ATP10B: variants seen among roughly 807,000 people sequenced by gnomAD.
The protein encoded by ATP10B is phospholipid-transporting ATPase VB.
ATP10B carries 122 observed loss-of-function variants against 141.2 expected under a neutral mutation model. That is an observed-to-expected ratio of 0.86 (90% CI 0.75 to 1.00). The LOEUF (loss-of-function observed/expected upper bound fraction) is 1.00. ATP10B is among the 50% of genes least tolerant of loss of function. The probability of loss-of-function intolerance (pLI) is 0.00; values close to 1 mark genes in which losing one functional copy is unlikely to be tolerated. For missense variants in ATP10B, 1,876 were observed against 1,825.3 expected (o/e 1.03, Z -0.51); for synonymous variants, 685 against 692.0 (o/e 0.99, Z 0.16).
chr5:160,888,362 C>G, the ATP10B span, among the ~76,000 whole-genome samples: 1 of 152,210 alleles, frequency 6.6e-6, no homozygotes, highest in Non-Finnish European at 1.5e-5. Flanking sequence ...AATTTTCAGA[C>G]CTGAGGCTTC....
At chr5:160,625,554 G>A (rs1758567521) in intron 13 of ATP10B, among the ~76,000 whole-genome samples, 1 of 152,158 alleles carries the variant, frequency 6.6e-6, no homozygotes, top group South Asian at 2.1e-4. Context: ...GTCAGAAGGA[G>A]GAAACTGCTT....
chr5:160,718,730 A>T (rs1765800834), intron 2 of ATP10B, among the ~76,000 whole-genome samples: 1 of 152,126 alleles, frequency 6.6e-6, no homozygotes, highest in South Asian at 2.1e-4. Context: ...GAACTCACTC[A>T]CTACCTTGGG....
At chr5:160,890,937 T>C in the ATP10B span, among the ~76,000 whole-genome samples, 1 of 152,206 alleles carries the variant, frequency 6.6e-6, no homozygotes, top group African/African-American at 2.4e-5. Context: ...TTGGACTGTT[T>C]TCATTTACTT....
intron 1 of ATP10B, among the ~76,000 whole-genome samples, chr5:160,830,476 G>T (rs1400918905): frequency 2.0e-5 from 3 of 152,028 alleles, no homozygotes; most frequent in Non-Finnish European, 2.9e-5. Context: ...AGATCAAATA[G>T]GTTTAAGATT....
chr5:160,909,530 A>G, the ATP10B span, among the ~76,000 whole-genome samples: 5 of 152,178 alleles, frequency 3.3e-5, no homozygotes, highest in Admixed American at 3.3e-4. Context: ...AAGTTTCCTG[A>G]ATGCAGGAGC....
the ATP10B span, among the ~76,000 whole-genome samples, chr5:160,912,722 A>G: frequency 6.6e-6 from 1 of 151,974 alleles, no homozygotes; most frequent in African/African-American, 2.4e-5. Context: ...GAAGAAAGAA[A>G]AGAGAGAGAG....
At chr5:160,650,406 A>T (rs1760649264) in intron 7 of ATP10B, among the ~76,000 whole-genome samples, 1 of 152,168 alleles carries the variant, frequency 6.6e-6, no homozygotes. Context: ...CAAAGATCCC[A>T]CCAAGGTTGC....
At chr5:160,717,092 A>G (rs1287960022) in intron 2 of ATP10B, 58 bp from the exon 3 acceptor site, 5 of 967,132 alleles carry the variant, frequency 5.2e-6, no homozygotes, top group South Asian at 9.6e-5. Flanking sequence ...TATAAATGCT[A>G]TTTATATAAG....
intron 5 of ATP10B, among the ~76,000 whole-genome samples, chr5:160,686,645 T>G (rs1763770963): frequency 6.6e-6 from 1 of 152,216 alleles, no homozygotes; most frequent in African/African-American, 2.4e-5. Context: ...AGACTGGAGA[T>G]GATTATTCTC....
intron 2 of ATP10B, among the ~76,000 whole-genome samples, chr5:160,782,288 G>A (rs1449822516): frequency 1.3e-5 from 2 of 152,176 alleles, no homozygotes; most frequent in African/African-American, 4.8e-5. Context: ...ACAAGGCACA[G>A]AGAGACGTTG....
Position 160,840,396 on chromosome 5 carries a change from C to T in ATP10B, c.-576+11545G>A, listed in dbSNP as rs561337388. On this transcript the variant is annotated intron_variant, in intron 1 of 25. Coordinates refer to ENST00000327245, the MANE Select transcript of ATP10B (RefSeq NM_025153.3). ...GCTCATGAGGATACAAACAGACTAACGGAATAGAAATCTATAGAAATCTAG... is the reference window on the plus strand; with the variant it reads ...GCTCATGAGGATACAAACAGACTAATGGAATAGAAATCTATAGAAATCTAG... Among the ~76,000 whole-genome samples the T allele has an allele frequency of 6.7e-4, 101 of 151,164 alleles. 1 individual carries two copies. Among genetic ancestry groups the T allele is most frequent in the African/African-American group, 2.2e-3 (89 of 41,200 alleles).
In ATP10B at chr5:160,704,914, C is replaced by CTTTTTTTTTTTTTTTTTTTTTTTTTTTT. The variant is rs1170629163; in HGVS notation, c.-205+11994_-205+11995insAAAAAAAAAAAAAAAAAAAAAAAAAAAA. Among the ~76,000 whole-genome samples, 337 of 83,636 alleles carry CTTTTTTTTTTTTTTTTTTTTTTTTTTTT rather than the reference C, an allele frequency of 4.0e-3. 16 individuals are homozygous for CTTTTTTTTTTTTTTTTTTTTTTTTTTTT. Among genetic ancestry groups the CTTTTTTTTTTTTTTTTTTTTTTTTTTTT allele is most frequent in the African/African-American group, 5.0e-3 (87 of 17,232 alleles). The allele number at this position is 83,636 out of a possible 152,430, so 54.9% of individuals were successfully genotyped here. A position where few individuals can be genotyped will look rare whatever the true frequency, so the allele number is the denominator to read the frequency against. ...TGCTAGCTTCCAACATTTCTTTCAT[C>CTTTTTTTTTTTTTTTTTTTTTTTTTTTT]TTTTTTTTTTTTTTTTTTTTTGTTG... On this transcript the variant is annotated intron_variant, in intron 3 of 25. Coordinates refer to ENST00000327245, the MANE Select transcript of ATP10B (RefSeq NM_025153.3).
chr5:160,690,911 C>A (rs1339461218), intron 3 of ATP10B, among the ~76,000 whole-genome samples: 1 of 152,110 alleles, frequency 6.6e-6, no homozygotes, highest in African/African-American at 2.4e-5. Context: ...GCACACGTAT[C>A]TTTATTGCAG....
At chr5:160,809,376 T>C (rs977310300) in intron 1 of ATP10B, among the ~76,000 whole-genome samples, 6 of 152,178 alleles carry the variant, frequency 3.9e-5, no homozygotes, top group African/African-American at 1.4e-4. Flanking sequence ...ACTAGAAAGA[T>C]AGATGACCAA....
At chr5:160,738,716 T>C (rs371210276) in intron 2 of ATP10B, among the ~76,000 whole-genome samples, 189 of 152,208 alleles carry the variant, frequency 1.2e-3, no homozygotes, top group African/African-American at 4.5e-3. Context: ...CAAATAATCC[T>C]TTGTCAATTA....
intron 23 of ATP10B, 59 bp from the exon 24 acceptor site, chr5:160,589,755 G>C: frequency 7.8e-7 from 1 of 1,287,670 alleles, no homozygotes; most frequent in Non-Finnish European, 1.1e-6. Context: ...CTTTGGCTTT[G>C]ACACAGTGAT....
rs370357541 is a variant in ATP10B, at chr5:160,826,577, G to A, written c.-576+25364C>T. On this transcript the variant is annotated intron_variant, in intron 1 of 25. Transcript: ENST00000327245. Reference sequence around the variant, plus strand: ...CCTTGAAAAAGAACAGAATAACAGCGATTTTTAGCGAGGGAAGACAACCAT... The same window carrying A: ...CCTTGAAAAAGAACAGAATAACAGCAATTTTTAGCGAGGGAAGACAACCAT... Among the ~76,000 whole-genome samples the A allele has an allele frequency of 2.0e-4, 31 of 152,166 alleles. 1 individual carries two copies. The highest frequency in any genetic ancestry group is 3.4e-3 in the Middle Eastern group (1 of 294).
chr5:160,707,603 A>G (rs1426315145), intron 3 of ATP10B, among the ~76,000 whole-genome samples: 1 of 152,254 alleles, frequency 6.6e-6, no homozygotes, highest in African/African-American at 2.4e-5. Context: ...CACAAATTCA[A>G]GTACATCTTT....
At chr5:160,722,158 T>A (rs1478732646) in intron 2 of ATP10B, among the ~76,000 whole-genome samples, 1 of 152,256 alleles carries the variant, frequency 6.6e-6, no homozygotes, top group East Asian at 1.9e-4. Context: ...CCACGGGTTC[T>A]TATGAGTCTA....
Sources: gnomAD v4.1 joint callset for allele counts (sites outside exome capture counted in the v4.1 genomes callset) on GRCh38, gnomAD v4.1.1 for gene constraint, MANE v1.5 for transcripts, NCBI Gene and HGNC (gene_info 2026-07-23, HGNC 2026-07-21) for gene names.